Variants in IL1RAPL2 observed in about 807,000 individuals in gnomAD.
IL1RAPL2 encodes interleukin 1 receptor accessory protein like 2.
A neutral mutation model predicts 44.1 loss-of-function variants in IL1RAPL2; 3 were observed. That is an observed-to-expected ratio of 0.07 (90% confidence interval 0.03 to 0.18). The LOEUF (loss-of-function observed/expected upper bound fraction) is 0.18, where lower values mean the gene tolerates loss of function less well. Ranked by LOEUF, IL1RAPL2 falls within the 10% of genes least tolerant of loss-of-function variation. The pLI is 1.00. For missense variants in IL1RAPL2, 391 were observed against 496.4 expected (o/e 0.79, Z 2.02); for synonymous variants, 181 against 178.8 (o/e 1.01, Z -0.10).
chrX:105,750,587 T>A (rs2038589097), intron 9 of IL1RAPL2, among the ~76,000 whole-genome samples: 1 of 108,691 alleles, frequency 9.2e-6, no homozygotes, highest in Non-Finnish European at 1.9e-5. Context: ...ATTACAGACA[T>A]TAGCCACTGC....
At chrX:105,558,881 G>C (rs749768528) in intron 6 of IL1RAPL2, among the ~76,000 whole-genome samples, 2 of 111,538 alleles carry the variant, frequency 1.8e-5, no homozygotes, top group Admixed American at 1.9e-4. Context: ...ATAGATTTGG[G>C]AAGTTTGTGT....
Position 105,012,674 on chromosome X carries a change from C to CAGAGAGAGAGAG in IL1RAPL2, c.83-182795_83-182784dup, listed in dbSNP as rs59693765. On this transcript the variant is annotated intron_variant, in intron 2 of 10. Transcript: ENST00000372582. ...ACACACACACACACACACACACACA[C>CAGAGAGAGAGAG]AGAGAGAGAGAGAGAGAATAATAAA... Among the ~76,000 whole-genome samples, 6 of 81,272 alleles carry CAGAGAGAGAGAG rather than the reference C, an allele frequency of 7.4e-5. No homozygotes were observed. In the East Asian group the frequency reaches 2.4e-3, roughly 33 times the overall value. The allele number at this position is 81,272 out of a possible 115,157, so 70.6% of individuals were successfully genotyped here. A position where few individuals can be genotyped will look rare whatever the true frequency, so the allele number is the denominator to read the frequency against.
intron 1 of IL1RAPL2, among the ~76,000 whole-genome samples, chrX:104,628,189 G>A (rs945603486): frequency 1.8e-5 from 2 of 110,944 alleles, no homozygotes; most frequent in East Asian, 2.8e-4. Context: ...CTCTGTGTTG[G>A]GAACATTTCA....
chrX:105,329,768 A>G (rs184990294), intron 5 of IL1RAPL2, among the ~76,000 whole-genome samples: 21 of 111,436 alleles, frequency 1.9e-4, no homozygotes, highest in African/African-American at 6.5e-4. Context: ...TAAACTAGAC[A>G]CTGTATTTCA....
intron 5 of IL1RAPL2, among the ~76,000 whole-genome samples, chrX:105,421,127 C>A (rs2147745597): frequency 8.9e-6 from 1 of 111,817 alleles, no homozygotes; most frequent in African/African-American, 3.2e-5. Context: ...TGTGAGACAT[C>A]AATCAACATA....
chrX:104,587,120 A>G (rs1221772062), intron 1 of IL1RAPL2, among the ~76,000 whole-genome samples: 1 of 111,675 alleles, frequency 9.0e-6, no homozygotes, highest in Non-Finnish European at 1.9e-5. Context: ...ATCACCACTT[A>G]CTAGCTCTGC....
At chrX:104,750,642 C>T (rs748389146) in intron 2 of IL1RAPL2, among the ~76,000 whole-genome samples, 2 of 110,769 alleles carry the variant, frequency 1.8e-5, no homozygotes, top group East Asian at 2.9e-4. Flanking sequence ...CTGACTTGGG[C>T]GTGCACTTGC....
In IL1RAPL2 at chrX:105,191,762, A is replaced by G. The variant is rs782729688; in HGVS notation, c.83-3713A>G. 2.7e-5 allele frequency among the ~76,000 whole-genome samples: 3 copies of G among 112,532 alleles called. No individual in the cohort carries two copies. The East Asian group carries it at 8.4e-4, about 31-fold the overall frequency. ...TCACTGATTGTGAAACAAAGGGCAGACATACATTCACTTATACTTTCAGTG... is the reference window on the plus strand; with the variant it reads ...TCACTGATTGTGAAACAAAGGGCAGGCATACATTCACTTATACTTTCAGTG... On this transcript the variant is annotated intron_variant, in intron 2 of 10. Coordinates refer to ENST00000372582, the MANE Select transcript of IL1RAPL2 (RefSeq NM_017416.2).
At chrX:105,727,606 G>A (rs1320760059) in intron 7 of IL1RAPL2, among the ~76,000 whole-genome samples, 1 of 111,473 alleles carries the variant, frequency 9.0e-6, no homozygotes. Context: ...ATTCAAAGTA[G>A]CATGTCCCCT....
intron 2 of IL1RAPL2, among the ~76,000 whole-genome samples, chrX:105,030,022 A>G (rs1181224241): frequency 1.8e-5 from 2 of 111,615 alleles, no homozygotes; most frequent in African/African-American, 6.5e-5. Context: ...GCATTTTTTC[A>G]TGTGTTTTTT....
At chrX:105,143,386 T>G (rs1208675185) in intron 2 of IL1RAPL2, among the ~76,000 whole-genome samples, 1 of 111,803 alleles carries the variant, frequency 8.9e-6, no homozygotes, top group African/African-American at 3.3e-5. Flanking sequence ...AAATCAAAAC[T>G]ACAATGAGAT....
intron 6 of IL1RAPL2, among the ~76,000 whole-genome samples, chrX:105,521,581 C>T (rs2036558875): frequency 9.0e-6 from 1 of 111,452 alleles, no homozygotes; most frequent in Admixed American, 9.4e-5. Flanking sequence ...TAATAATCCC[C>T]ATGTTTCATG....
At chrX:105,164,174 G>A (rs1194568148) in intron 2 of IL1RAPL2, among the ~76,000 whole-genome samples, 1 of 110,716 alleles carries the variant, frequency 9.0e-6, no homozygotes, top group African/African-American at 3.3e-5. Context: ...CTCAGTAATC[G>A]GGCTGTGTCT....
At chrX:105,097,937 T>C (rs1602953090) in intron 2 of IL1RAPL2, among the ~76,000 whole-genome samples, 1 of 111,801 alleles carries the variant, frequency 8.9e-6, no homozygotes, top group Admixed American at 9.5e-5. Context: ...TTGAGATATG[T>C]GACTTTATGC....
At chrX:105,655,980 A>T (rs2037674756) in intron 6 of IL1RAPL2, among the ~76,000 whole-genome samples, 1 of 111,496 alleles carries the variant, frequency 9.0e-6, no homozygotes, top group African/African-American at 3.3e-5. Flanking sequence ...ATCCAATTAC[A>T]CTCTGTAAGT....
chrX:105,514,188 A>G (rs189198335), intron 6 of IL1RAPL2, among the ~76,000 whole-genome samples: 205 of 111,714 alleles, frequency 1.8e-3, no homozygotes, highest in South Asian at 0.018. Flanking sequence ...TGTTTGGCCA[A>G]CTAACCAAAG....
chrX:105,689,084 A>G (rs1350229794), intron 6 of IL1RAPL2, among the ~76,000 whole-genome samples: 2 of 112,250 alleles, frequency 1.8e-5, no homozygotes, highest in Non-Finnish European at 3.8e-5. Context: ...AAGATGGATT[A>G]AAGACTTAAA....
chrX:105,659,333 C>A (rs2037701370), intron 6 of IL1RAPL2, among the ~76,000 whole-genome samples: 1 of 111,196 alleles, frequency 9.0e-6, no homozygotes, highest in African/African-American at 3.3e-5. Context: ...AGAGTCCTAT[C>A]AGATAAACAT....
chrX:104,956,511 G>A (rs1052143382), intron 2 of IL1RAPL2, among the ~76,000 whole-genome samples: 13 of 56,562 alleles, frequency 2.3e-4, no homozygotes, highest in Admixed American at 3.7e-4. Flanking sequence ...CGGGCGTGGT[G>A]GCGCATATCT....
Sources: allele counts gnomAD v4.1 joint callset (sites outside exome capture counted in the v4.1 genomes callset), GRCh38; gene constraint gnomAD v4.1.1; transcripts MANE v1.5; gene names NCBI Gene and HGNC (gene_info 2026-07-23, HGNC 2026-07-21).